CYP2B6: variants seen among roughly 807,000 people sequenced by gnomAD.
The protein encoded by CYP2B6 is cytochrome P450 family 2 subfamily B member 6.
CYP2B6 carries 35 observed loss-of-function variants against 43.4 expected under a neutral mutation model. The observed-to-expected ratio is 0.81, with a 90% CI of 0.62 to 1.07. The LOEUF (loss-of-function observed/expected upper bound fraction) is 1.07. Ranked by LOEUF, CYP2B6 falls within the 50% of genes least tolerant of loss-of-function variation. The pLI, the probability that CYP2B6 is intolerant of heterozygous loss-of-function variation, is 0.00. For missense variants in CYP2B6, 624 were observed against 632.8 expected (o/e 0.99, Z 0.15); for synonymous variants, 239 against 239.2 (o/e 1.00, Z 0.01).
At position 41,010,005 on chromosome 19, in the gene CYP2B6, C is replaced by T. The variant is rs371440770; in HGVS notation, c.834C>T (p.Asn278=). The part of the protein sequence containing the change: ...YLLHMEKEKS[N]AHSEFSHQNL... The stretch of plus-strand genomic sequence containing the variant: ...TACTGTGGACGCAGGAGAAATCCAA[C>T]GCACACAGTGAATTCAGCCACCAGA... Residue 278 remains asparagine, a synonymous_variant, in exon 6 of 9, where the codon AAC becomes AAT. Coordinates refer to ENST00000324071, the MANE Select transcript of CYP2B6 (RefSeq NM_000767.5). 62 of 1,613,990 alleles carry T rather than the reference C, an allele frequency of 3.8e-5. No individual in the cohort carries two copies. The highest frequency in any genetic ancestry group is 8.8e-5 in the South Asian group (8 of 91,086).
chr19:40,999,252 G>T (rs1041267891), intron 1 of CYP2B6, among the ~76,000 whole-genome samples: 1 of 152,000 alleles, frequency 6.6e-6, no homozygotes, highest in Non-Finnish European at 1.5e-5. Flanking sequence ...CATGTCTTTC[G>T]CCCACTTTTT....
chr19:41,001,988 T>A (rs138155779), intron 1 of CYP2B6, among the ~76,000 whole-genome samples: 205 of 151,924 alleles, frequency 1.3e-3, no homozygotes, highest in African/African-American at 4.8e-3. Context: ...TGGAAGGCAC[T>A]AGAAGGAGGC....
chr19:40,997,401 C>T (rs1181144660), intron 1 of CYP2B6, among the ~76,000 whole-genome samples: 5 of 152,080 alleles, frequency 3.3e-5, no homozygotes. Flanking sequence ...TTCCCCTTCC[C>T]CCTCCCATGT....
At chr19:40,991,837 C>T (rs1399357941) in intron 1 of CYP2B6, among the ~76,000 whole-genome samples, 2 of 152,048 alleles carry the variant, frequency 1.3e-5, no homozygotes, top group African/African-American at 4.8e-5. Context: ...ACAATCTGAG[C>T]AGTTTGCAGC....
At chr19:41,014,677 A>G (rs1236500982) in intron 8 of CYP2B6, among the ~76,000 whole-genome samples, 1 of 152,176 alleles carries the variant, frequency 6.6e-6, no homozygotes, top group African/African-American at 2.4e-5. Context: ...AAAGATAATG[A>G]GACTGAGAAA....
At chr19:41,015,999 T>TACACACACACACACACAC (rs113314890) in intron 8 of CYP2B6, among the ~76,000 whole-genome samples, 346 of 149,902 alleles carry the variant, frequency 2.3e-3, no homozygotes, top group African/African-American at 6.7e-3. Flanking sequence ...CATGTACAGG[T>TACACACACACACACACAC]ACACACACAC....
intron 5 of CYP2B6, 88 bp downstream of exon 5, chr19:41,009,483 G>A: frequency 7.5e-7 from 1 of 1,335,456 alleles, no homozygotes; most frequent in Non-Finnish European, 1.0e-6. Flanking sequence ...GGTAGGGAAG[G>A]GGAAGATGGG....
At chr19:41,004,652 G>C (rs1226695640) in intron 3 of CYP2B6, among the ~76,000 whole-genome samples, 198 of 152,104 alleles carry the variant, frequency 1.3e-3, no homozygotes, top group African/African-American at 4.6e-3. Context: ...GAAACACAGA[G>C]AGCCAGGGAA....
At chr19:41,007,596 T>C (rs1969211475) in intron 4 of CYP2B6, 1 of 156,702 alleles carries the variant, frequency 6.4e-6, no homozygotes, top group South Asian at 1.9e-4. Context: ...TAGCTGGGAC[T>C]GCAGGCATGT....
Position 41,009,988 on chromosome 19 carries a change from A to G in CYP2B6, c.823-6A>G, listed in dbSNP as rs1243622091. ...CCCTCCCCTTCCTTCCCTACTGTGG[A>G]CGCAGGAGAAATCCAACGCACACAG... is the stretch of plus-strand genomic sequence containing the variant. On this transcript the variant is annotated splice_polypyrimidine_tract_variant and splice_region_variant and intron_variant, in intron 5 of 8. Coordinates refer to ENST00000324071, the MANE Select transcript of CYP2B6 (RefSeq NM_000767.5). The G allele has an allele frequency of 6.2e-7, 1 of 1,614,060 alleles. No homozygotes were observed. The highest frequency in any genetic ancestry group is 2.2e-5 in the East Asian group (1 of 44,874).
Position 41,012,285 on chromosome 19 carries a change from C to G in CYP2B6, c.965-13C>G, listed in dbSNP as rs1357314269. The G allele has an allele frequency of 6.2e-7, 1 of 1,613,674 alleles. No individual in the cohort carries two copies. The highest frequency in any genetic ancestry group is 8.5e-7 in the Non-Finnish European group (1 of 1,179,804). On this transcript the variant is annotated splice_polypyrimidine_tract_variant and intron_variant, in intron 6 of 8. Transcript: ENST00000324071. ...CTTTAAAATGAGATTCATTGGTCTT[C>G]TTTTCTGTACAGAGAGAGTCTACAG...
At chr19:40,992,201 C>CAAAAAAAAAAAAAAAAAAAAAAAAAAA (rs561830421) in intron 1 of CYP2B6, among the ~76,000 whole-genome samples, 50 of 62,576 alleles carry the variant, frequency 8.0e-4, no homozygotes, top group African/African-American at 2.5e-3. Flanking sequence ...GACTCCTTCT[C>CAAAAAAAAAAAAAAAAAAAAAAAAAAA]AAAAAAAAAA....
rs372844817 is a variant in CYP2B6 at position 41,007,023 on chromosome 19, G to A, written c.603G>A (p.Leu201=). ...QDQEFLKMLN[L]FYQTFSLISS... ...AAGAGTTCCTGAAGATGCTGAACTT[G>A]TTCTACCAGACTTTTTCACTCATCA... The change falls in exon 4 of 9, where the codon TTG becomes TTA. Residue 201 remains leucine, a synonymous_variant. Coordinates refer to ENST00000324071, the MANE Select transcript of CYP2B6 (RefSeq NM_000767.5). 42 of 1,614,122 alleles carry A rather than the reference G, an allele frequency of 2.6e-5. No homozygotes were observed. The African/African-American group carries it at 4.5e-4, about 17-fold the overall frequency.
chr19:41,003,885 G>T, intron 1 of CYP2B6, 116 bp from the exon 2 acceptor site: 1 of 1,402,050 alleles, frequency 7.1e-7, no homozygotes, highest in Non-Finnish European at 9.9e-7. Flanking sequence ...GGCAGCCTGG[G>T]GAGGCGGATG....
intron 6 of CYP2B6, among the ~76,000 whole-genome samples, chr19:41,010,651 G>T (rs376461828): frequency 2.6e-5 from 4 of 152,110 alleles, no homozygotes; most frequent in African/African-American, 7.2e-5. Flanking sequence ...CTGACCTCAT[G>T]ATGTACAAAT....
intron 3 of CYP2B6, among the ~76,000 whole-genome samples, chr19:41,005,712 T>C (rs1969168853): frequency 6.6e-6 from 1 of 151,852 alleles, no homozygotes; most frequent in South Asian, 2.1e-4. Flanking sequence ...GCCTGGGAAA[T>C]GGAGGTTGCC....
At chr19:41,014,837 G>A (rs1333936420) in intron 8 of CYP2B6, among the ~76,000 whole-genome samples, 1 of 150,798 alleles carries the variant, frequency 6.6e-6, no homozygotes, top group Non-Finnish European at 1.5e-5. Flanking sequence ...AGGAGGAGGA[G>A]GAATAAGAGG....
At chr19:40,992,941 A>G (rs1033972410) in intron 1 of CYP2B6, among the ~76,000 whole-genome samples, 2 of 152,140 alleles carry the variant, frequency 1.3e-5, no homozygotes, top group African/African-American at 4.8e-5. Context: ...ACTTGGGGGT[A>G]TAGATAAGGT....
In CYP2B6 at chr19:41,012,749, C is replaced by G; in HGVS notation, c.1228C>G (p.Pro410Ala). ...HYFEKPDAFN[P>A]DHFLDANGAL... Reference sequence around the variant, plus strand: ...CTTTGAAAAACCAGACGCCTTCAATCCTGACCACTTTCTGGATGCCAATGG... The same window carrying G: ...CTTTGAAAAACCAGACGCCTTCAATGCTGACCACTTTCTGGATGCCAATGG... Residue 410 changes from proline to alanine, a missense_variant, in exon 8 of 9, where the codon CCT (proline) becomes GCT (alanine). Coordinates refer to ENST00000324071, the MANE Select transcript of CYP2B6 (RefSeq NM_000767.5). The G allele has an allele frequency of 6.2e-7, 1 of 1,614,170 alleles. No homozygotes were observed. The highest frequency in any genetic ancestry group is 8.5e-7 in the Non-Finnish European group (1 of 1,180,032).
Sources: allele counts gnomAD v4.1 joint callset (sites outside exome capture counted in the v4.1 genomes callset), GRCh38; gene constraint gnomAD v4.1.1; transcripts MANE v1.5; gene names NCBI Gene and HGNC (gene_info 2026-07-23, HGNC 2026-07-21).